The following LRMDA variants were observed in gnomAD, a reference collection of about 807,000 sequenced individuals.
The protein encoded by LRMDA is leucine rich melanocyte differentiation associated.
In LRMDA, 18 loss-of-function variants were observed where a neutral mutation model predicts 29.8. The ratio of observed to expected loss-of-function variants is 0.60; its 90% CI spans 0.42 to 0.90. The LOEUF (loss-of-function observed/expected upper bound fraction) is 0.90, where lower values mean the gene tolerates loss of function less well. Among genes scored for constraint, LRMDA ranks in the 40% least tolerant of loss-of-function variants. The probability of loss-of-function intolerance (pLI) is 0.00; values close to 1 mark genes in which losing one functional copy is unlikely to be tolerated. For synonymous variants in LRMDA, 125 were observed against 109.4 expected (o/e 1.14, Z -0.89); for missense variants, 273 against 273.9 (o/e 1.00, Z 0.02).
intron 6 of LRMDA, among the ~76,000 whole-genome samples, chr10:76,341,745 C>G (rs999508018): frequency 6.6e-6 from 1 of 152,128 alleles, no homozygotes; most frequent in Non-Finnish European, 1.5e-5. Flanking sequence ...TAAGGGCCCC[C>G]CTTTCCCTGC....
chr10:76,467,037 C>T (rs1479218360), intron 6 of LRMDA, among the ~76,000 whole-genome samples: 1 of 152,146 alleles, frequency 6.6e-6, no homozygotes, highest in African/African-American at 2.4e-5. Flanking sequence ...AATTTTGCCA[C>T]TCTTATAAAT....
chr10:75,582,709 C>T (rs896322952), intron 2 of LRMDA, among the ~76,000 whole-genome samples: 1 of 152,226 alleles, frequency 6.6e-6, no homozygotes, highest in African/African-American at 2.4e-5. Context: ...GAATTTCTCC[C>T]CTGAAAATGG....
intron 5 of LRMDA, among the ~76,000 whole-genome samples, chr10:76,060,490 G>A (rs1349778465): frequency 6.6e-6 from 1 of 152,200 alleles, no homozygotes; most frequent in Admixed American, 6.5e-5. Context: ...ACTGAGGGCT[G>A]GAGAAGTTAA....
chr10:76,272,801 G>A (rs1310654811), intron 5 of LRMDA, among the ~76,000 whole-genome samples: 1 of 152,132 alleles, frequency 6.6e-6, no homozygotes, highest in African/African-American at 2.4e-5. Flanking sequence ...GGAAGGCAAA[G>A]GAGAAGCGAC....
At chr10:75,982,643 T>C (rs1196861637) in intron 2 of LRMDA, among the ~76,000 whole-genome samples, 4 of 152,224 alleles carry the variant, frequency 2.6e-5, no homozygotes, top group Admixed American at 2.0e-4. Context: ...ATCTAAAAGA[T>C]AGTGGTGACC....
At chr10:76,330,267 TG>T (rs932884698) in intron 6 of LRMDA, among the ~76,000 whole-genome samples, 5 of 152,118 alleles carry the variant, frequency 3.3e-5, no homozygotes, top group African/African-American at 7.2e-5. Flanking sequence ...TTTTCTGAGA[TG>T]GGGGGGCCTT....
At chr10:76,426,798 T>C (rs1288224473) in intron 6 of LRMDA, among the ~76,000 whole-genome samples, 4 of 152,222 alleles carry the variant, frequency 2.6e-5, no homozygotes, top group African/African-American at 9.6e-5. Flanking sequence ...AAGGAAGGGA[T>C]CTAGTTTCAG....
intron 2 of LRMDA, among the ~76,000 whole-genome samples, chr10:76,010,723 G>A (rs1026012830): frequency 2.0e-4 from 31 of 152,336 alleles, no homozygotes; most frequent in African/African-American, 6.7e-4. Context: ...AAGGAGCCAA[G>A]GAAAGAATTC....
intron 2 of LRMDA, among the ~76,000 whole-genome samples, chr10:75,527,350 T>C (rs561381482): frequency 6.6e-6 from 1 of 152,342 alleles, no homozygotes; most frequent in African/African-American, 2.4e-5. Flanking sequence ...ACTGTGAACA[T>C]TCTTGTGCAG....
intron 2 of LRMDA, among the ~76,000 whole-genome samples, chr10:75,538,851 A>G (rs2043090): frequency 0.043 from 6,590 of 152,248 alleles, 237 homozygotes; most frequent in Admixed American, 0.13. Context: ...ATCCCCAGGC[A>G]ATGACCTTCT....
chr10:75,973,602 T>C (rs1847018966), intron 2 of LRMDA, among the ~76,000 whole-genome samples: 1 of 152,092 alleles, frequency 6.6e-6, no homozygotes, highest in African/African-American at 2.4e-5. Flanking sequence ...GTATTTTTAA[T>C]AGAAACAGGG....
At chr10:76,226,550 T>G (rs541904501) in intron 5 of LRMDA, among the ~76,000 whole-genome samples, 1 of 152,176 alleles carries the variant, frequency 6.6e-6, no homozygotes, top group East Asian at 1.9e-4. Flanking sequence ...GCCATTGCAC[T>G]CCAGCCTTGG....
intron 2 of LRMDA, among the ~76,000 whole-genome samples, chr10:75,799,822 A>G (rs1564570976): frequency 6.6e-6 from 1 of 151,582 alleles, no homozygotes; most frequent in Admixed American, 6.6e-5. Flanking sequence ...AAACTTTTTG[A>G]TCAGCATGTT....
intron 5 of LRMDA, among the ~76,000 whole-genome samples, chr10:76,286,692 C>T (rs1019295047): frequency 6.6e-6 from 1 of 152,166 alleles, no homozygotes; most frequent in Non-Finnish European, 1.5e-5. Context: ...ATATTTGGGG[C>T]AATTTCTCCC....
chr10:76,555,476 C>T (rs1395738887), intron 6 of LRMDA, among the ~76,000 whole-genome samples: 1 of 152,098 alleles, frequency 6.6e-6, no homozygotes, highest in Non-Finnish European at 1.5e-5. Flanking sequence ...GAGAGTGAGC[C>T]CAAGGCCAGC....
intron 6 of LRMDA, among the ~76,000 whole-genome samples, chr10:76,493,327 G>A (rs187800690): frequency 2.0e-5 from 3 of 151,928 alleles, no homozygotes; most frequent in South Asian, 2.1e-4. Context: ...ACCAATGTTC[G>A]CTTAAGACTC....
chr10:75,690,000 T>G (rs1170096166), intron 2 of LRMDA, among the ~76,000 whole-genome samples: 1 of 152,212 alleles, frequency 6.6e-6, no homozygotes, highest in African/African-American at 2.4e-5. Flanking sequence ...TATTTTCCTC[T>G]ACAACCTGCA....
At chr10:76,392,076 C>A (rs1425871443) in intron 6 of LRMDA, among the ~76,000 whole-genome samples, 1 of 152,092 alleles carries the variant, frequency 6.6e-6, no homozygotes, top group African/African-American at 2.4e-5. Flanking sequence ...AGGAGAAAAG[C>A]CAAGCTTTAA....
chr10:75,443,532 A>C (rs867444775), intron 2 of LRMDA, among the ~76,000 whole-genome samples: 2 of 152,208 alleles, frequency 1.3e-5, no homozygotes, highest in East Asian at 3.8e-4. Context: ...ATGTTAAACT[A>C]TCCTTGCATT....
Sources: allele counts gnomAD v4.1 joint callset (sites outside exome capture counted in the v4.1 genomes callset), GRCh38; gene constraint gnomAD v4.1.1; transcripts MANE v1.5; gene names NCBI Gene and HGNC (gene_info 2026-07-23, HGNC 2026-07-21).